FMN1: variants seen among roughly 807,000 people sequenced by gnomAD.
FMN1 encodes the protein formin 1.
A neutral mutation model predicts 132.4 loss-of-function variants in FMN1; 110 were observed. The observed-to-expected ratio is 0.83, with a 90% CI of 0.71 to 0.97. FMN1 has a LOEUF of 0.97. Among genes scored for constraint, FMN1 ranks in the 50% least tolerant of loss-of-function variants. The pLI is 0.00. For missense variants in FMN1, 1,792 were observed against 1,705.3 expected, an observed-to-expected ratio of 1.05 and a Z score of -0.90; for synonymous variants, 722 against 651.7, an observed-to-expected ratio of 1.11 and a Z score of -1.64.
chr15:32,876,064 C>CA lies in FMN1; in HGVS notation c.3835+12107dup, dbSNP rs569202710. Among the ~76,000 whole-genome samples, 428 of 151,936 alleles carry CA rather than the reference C, an allele frequency of 2.8e-3. 3 individuals are homozygous for CA. Among genetic ancestry groups the CA allele is most frequent in the Non-Finnish European group, 3.9e-3 (266 of 67,938 alleles). On this transcript the variant is annotated intron_variant, in intron 16 of 20. Transcript: ENST00000616417. ...AATTACAAGAGTACCTTTAAAAAAC[C>CA]AAAAAAACAGGAAATATCAAGGATA... is the stretch of plus-strand genomic sequence containing the variant.
At chr15:32,884,364 C>T (rs1292733393) in intron 16 of FMN1, among the ~76,000 whole-genome samples, 1 of 152,150 alleles carries the variant, frequency 6.6e-6, no homozygotes, top group African/African-American at 2.4e-5. Context: ...TCTTCAAAGC[C>T]AGCGACATTA....
Position 33,070,586 on chromosome 15 carries a change from C to T in FMN1, c.2044-5512G>A, listed in dbSNP as rs1488425852. 2.0e-5 allele frequency among the ~76,000 whole-genome samples: 3 copies of T among 152,182 alleles called. No individual in the cohort carries two copies. In the East Asian group the frequency reaches 5.8e-4, roughly 29 times the overall value. ...AGTATCCCCTCAATACTCATAGATGCCAACACAATTTCATGGGAAGTGGGT... is the reference window on the plus strand; with the variant it reads ...AGTATCCCCTCAATACTCATAGATGTCAACACAATTTCATGGGAAGTGGGT... On this transcript the variant is annotated intron_variant, in intron 5 of 20. Transcript: ENST00000616417.
chr15:33,057,627 A>G (rs1414669850), intron 6 of FMN1, among the ~76,000 whole-genome samples: 11 of 152,190 alleles, frequency 7.2e-5, no homozygotes, highest in Non-Finnish European at 1.6e-4. Flanking sequence ...GAACCCCTGC[A>G]GTAAAAGTAA....
intron 4 of FMN1, among the ~76,000 whole-genome samples, chr15:33,120,681 T>C (rs11072238): frequency 0.099 from 15,079 of 152,206 alleles, 826 homozygotes; most frequent in Middle Eastern, 0.16. Context: ...TTCATATATA[T>C]CTACATCATT....
intron 19 of FMN1, among the ~76,000 whole-genome samples, chr15:32,777,662 TATAAC>T (rs199501528): frequency 0.017 from 1,838 of 107,630 alleles, 382 homozygotes; most frequent in East Asian, 0.14. Flanking sequence ...ATATATTACG[TATAAC>T]ATAACACATT....
intron 8 of FMN1, among the ~76,000 whole-genome samples, chr15:32,966,556 T>C (rs1035979636): frequency 4.6e-5 from 7 of 152,108 alleles, no homozygotes; most frequent in Non-Finnish European, 7.4e-5. Context: ...TAGATGAGGA[T>C]TTATTTTTCC....
At chr15:32,857,231 C>T (rs2059154852) in intron 16 of FMN1, 124 bp from the exon 17 acceptor site, 1 of 717,298 alleles carries the variant, frequency 1.4e-6, no homozygotes, top group African/African-American at 1.8e-5. Flanking sequence ...CACTGTTGGT[C>T]CAAATTCCAG....
chr15:33,152,403 T>C (rs1323849612), intron 4 of FMN1, among the ~76,000 whole-genome samples: 2 of 152,212 alleles, frequency 1.3e-5, no homozygotes, highest in Non-Finnish European at 1.5e-5. Flanking sequence ...TAAAGTCAAT[T>C]TGTGCTTATT....
intron 17 of FMN1, among the ~76,000 whole-genome samples, chr15:32,811,367 G>A (rs573987098): frequency 6.6e-6 from 1 of 152,204 alleles, no homozygotes; most frequent in South Asian, 2.1e-4. Context: ...TGTGTAAAGT[G>A]TTATGAGGTT....
chr15:32,960,995 C>CAAAAAAAAAAAAAAAAAAA (rs539245532), intron 9 of FMN1, among the ~76,000 whole-genome samples: 2 of 59,094 alleles, frequency 3.4e-5, no homozygotes, highest in East Asian at 1.3e-3. Flanking sequence ...GACTCCGTCT[C>CAAAAAAAAAAAAAAAAAAA]AAAAAAAAAA....
At chr15:32,874,134 G>A (rs2059584629) in intron 16 of FMN1, among the ~76,000 whole-genome samples, 2 of 148,774 alleles carry the variant, frequency 1.3e-5, no homozygotes, top group South Asian at 4.2e-4. Context: ...CGATTCTCCT[G>A]CCTTAGCCTC....
intron 4 of FMN1, among the ~76,000 whole-genome samples, chr15:33,132,248 A>C (rs185935125): frequency 2.6e-5 from 4 of 152,128 alleles, no homozygotes; most frequent in African/African-American, 9.7e-5. Context: ...AAGCAGCTGA[A>C]TATTTTCAAT....
intron 4 of FMN1, among the ~76,000 whole-genome samples, chr15:33,152,597 G>A (rs1566954395): frequency 6.6e-6 from 1 of 151,830 alleles, no homozygotes; most frequent in Non-Finnish European, 1.5e-5. Context: ...AAGACACAGC[G>A]TACTTTTGCA....
chr15:32,814,936 T>C (rs1157103656), intron 17 of FMN1, among the ~76,000 whole-genome samples: 4 of 116,232 alleles, frequency 3.4e-5, no homozygotes, highest in African/African-American at 1.3e-4. Flanking sequence ...GTTTATTTTA[T>C]TTTATTATTA....
chr15:32,917,407 G>A (rs1482837399), intron 10 of FMN1, among the ~76,000 whole-genome samples: 1 of 152,138 alleles, frequency 6.6e-6, no homozygotes, highest in Non-Finnish European at 1.5e-5. Context: ...GACGCTTAAG[G>A]GCACCAATTA....
At chr15:33,146,381 T>C (rs1178209395) in intron 4 of FMN1, among the ~76,000 whole-genome samples, 1 of 152,200 alleles carries the variant, frequency 6.6e-6, no homozygotes, top group Non-Finnish European at 1.5e-5. Flanking sequence ...TCTCTCTTGG[T>C]ACTTTTCCTT....
At chr15:32,946,848 A>C (rs1331060136) in intron 9 of FMN1, among the ~76,000 whole-genome samples, 1 of 152,180 alleles carries the variant, frequency 6.6e-6, no homozygotes, top group Non-Finnish European at 1.5e-5. Flanking sequence ...CTGCATATGG[A>C]GCAACTAGGT....
At chr15:33,069,662 C>A (rs751975110) in intron 5 of FMN1, among the ~76,000 whole-genome samples, 3 of 152,024 alleles carry the variant, frequency 2.0e-5, no homozygotes, top group Non-Finnish European at 4.4e-5. Context: ...GCAATGTATT[C>A]AAAAGGAACG....
chr15:32,941,955 A>T (rs2061409014), intron 9 of FMN1, among the ~76,000 whole-genome samples: 1 of 152,226 alleles, frequency 6.6e-6, no homozygotes, highest in African/African-American at 2.4e-5. Context: ...TCTCCTAGGT[A>T]TAATTACAGT....
Sources: gnomAD v4.1 joint callset for allele counts (sites outside exome capture counted in the v4.1 genomes callset) on GRCh38, gnomAD v4.1.1 for gene constraint, MANE v1.5 for transcripts, NCBI Gene and HGNC (gene_info 2026-07-23, HGNC 2026-07-21) for gene names.